The following CUX1 variants were observed in gnomAD, a reference collection of about 807,000 sequenced individuals.
CUX1 encodes the protein cut like homeobox 1, also known as protein CASP.
Under a neutral mutation model 158.8 loss-of-function variants are expected in CUX1, and 31 were observed. That is an observed-to-expected ratio of 0.20 (90% confidence interval 0.15 to 0.26). CUX1 has a LOEUF of 0.26. Ranked by LOEUF, CUX1 falls within the 10% of genes least tolerant of loss-of-function variation. CUX1 has a pLI of 1.00. For synonymous variants in CUX1, 879 were observed against 862.1 expected (o/e 1.02, Z -0.34); for missense variants, 1,589 against 2,014.6 (o/e 0.79, Z 4.04).
intron 23 of CUX1, among the ~76,000 whole-genome samples, chr7:102,242,742 A>G (rs573206639): frequency 1.8e-3 from 276 of 152,312 alleles, no homozygotes; most frequent in Non-Finnish European, 3.1e-3. Context: ...CCTCAGCTGC[A>G]TGGCAGTCAC....
chr7:102,046,023 T>A (rs1282411397), intron 3 of CUX1, among the ~76,000 whole-genome samples: 1 of 152,220 alleles, frequency 6.6e-6, no homozygotes, highest in Non-Finnish European at 1.5e-5. Context: ...TGAATTGAGC[T>A]GAACTGAGTT....
At chr7:102,140,303 ATGGCACGATCTCGGCTCACTGCAAC>A (rs1834304330) in intron 8 of CUX1, among the ~76,000 whole-genome samples, 1 of 151,940 alleles carries the variant, frequency 6.6e-6, no homozygotes, top group South Asian at 2.1e-4. Flanking sequence ...GTGGAGTGCA[ATGGCACGATCTCGGCTCACTGCAAC>A]CTCCACCTCC....
At chr7:101,829,342 T>C (rs1255501483) in intron 1 of CUX1, among the ~76,000 whole-genome samples, 1 of 152,176 alleles carries the variant, frequency 6.6e-6, no homozygotes, top group Non-Finnish European at 1.5e-5. Flanking sequence ...TTTTGTTTTG[T>C]ATTTTTATGT....
chr7:101,887,842 C>CCTTTTTTTTTTTTTTTTTTTTTTT (rs1562966470), intron 1 of CUX1, among the ~76,000 whole-genome samples: 4 of 135,038 alleles, frequency 3.0e-5, no homozygotes, highest in Non-Finnish European at 3.2e-5. Flanking sequence ...ATGACGGTGA[C>CCTTTTTTTTTTTTTTTTTTTTTTT]ATTTTTTTTT....
chr7:102,149,273 C>T (rs1013329053), intron 8 of CUX1, among the ~76,000 whole-genome samples: 10 of 152,102 alleles, frequency 6.6e-5, no homozygotes, highest in Admixed American at 2.6e-4. Context: ...TCCCCTACTC[C>T]GGGATACTGT....
At chr7:102,117,227 A>C (rs1196927202) in intron 8 of CUX1, among the ~76,000 whole-genome samples, 1 of 151,842 alleles carries the variant, frequency 6.6e-6, no homozygotes, top group African/African-American at 2.4e-5. Context: ...GCAAAACCCC[A>C]TCTCTACTAA....
intron 1 of CUX1, among the ~76,000 whole-genome samples, chr7:101,900,901 TG>T (rs1309845902): frequency 3.9e-5 from 6 of 152,220 alleles, no homozygotes; most frequent in Non-Finnish European, 7.3e-5. Flanking sequence ...GGAGCTAATG[TG>T]TGTAAGTTGC....
intron 2 of CUX1, among the ~76,000 whole-genome samples, chr7:101,982,414 T>A (rs1813553094): frequency 6.6e-6 from 1 of 152,048 alleles, no homozygotes. Context: ...TTTTTAAATT[T>A]CTTTTTTTTT....
intron 2 of CUX1, among the ~76,000 whole-genome samples, chr7:101,925,291 C>G (rs1465454944): frequency 6.6e-6 from 1 of 152,022 alleles, no homozygotes; most frequent in South Asian, 2.1e-4. Flanking sequence ...TTGTATTTTT[C>G]ATAGAGATGG....
At chr7:101,843,980 G>A (rs1490483601) in intron 1 of CUX1, among the ~76,000 whole-genome samples, 2 of 152,158 alleles carry the variant, frequency 1.3e-5, no homozygotes, top group Non-Finnish European at 2.9e-5. Flanking sequence ...CTTAGTCTGA[G>A]TTCCCTGAAA....
chr7:101,997,680 T>C (rs1260356120), intron 2 of CUX1, among the ~76,000 whole-genome samples: 2 of 152,104 alleles, frequency 1.3e-5, no homozygotes, highest in African/African-American at 4.8e-5. Flanking sequence ...CCTACTTGTG[T>C]CCCGTGGCCT....
chr7:102,151,958 G>A (rs1267617111), intron 8 of CUX1, among the ~76,000 whole-genome samples: 1 of 152,038 alleles, frequency 6.6e-6, no homozygotes, highest in Non-Finnish European at 1.5e-5. Context: ...TGTAATCTCA[G>A]CATTCTGGGA....
chr7:101,896,799 T>C (rs1421873762), intron 1 of CUX1, among the ~76,000 whole-genome samples: 1 of 152,226 alleles, frequency 6.6e-6, no homozygotes, highest in Non-Finnish European at 1.5e-5. Context: ...AAACTAAATA[T>C]GAAGTTTTTC....
chr7:101,980,979 T>C (rs945328313), intron 2 of CUX1, among the ~76,000 whole-genome samples: 1 of 152,324 alleles, frequency 6.6e-6, no homozygotes, highest in African/African-American at 2.4e-5. Context: ...TCTTTGGAAA[T>C]TTCAGGCAAT....
chr7:102,104,680 AGGAGTTCGAGACCAGCATGACCAACATGG>A (rs1369902391), intron 6 of CUX1, among the ~76,000 whole-genome samples: 2 of 152,152 alleles, frequency 1.3e-5, no homozygotes, highest in African/African-American at 4.8e-5. Context: ...TCATGAGGTC[AGGAGTTCGAGACCAGCATGACCAACATGG>A]TGAAACCCCG....
At chr7:101,956,483 G>A (rs1427532063) in intron 2 of CUX1, among the ~76,000 whole-genome samples, 2 of 152,104 alleles carry the variant, frequency 1.3e-5, no homozygotes, top group African/African-American at 4.8e-5. Context: ...AAAAAAATCA[G>A]ATGGATTATG....
Position 101,973,368 on chromosome 7 carries a change from AG to A in CUX1, c.142-54728del, listed in dbSNP as rs375987608. Reference sequence around the variant, plus strand: ...CCAGAAGGCACGTGTTTTTAATGAGAGGCTCATTTCCACCACTGCCCCCCAG... The same window carrying A: ...CCAGAAGGCACGTGTTTTTAATGAGAGCTCATTTCCACCACTGCCCCCCAG... On this transcript the variant is annotated intron_variant, in intron 2 of 23. Coordinates refer to ENST00000292535, the MANE Select transcript of CUX1 (RefSeq NM_181552.4). Among the ~76,000 whole-genome samples, 33 of 152,188 alleles carry A rather than the reference AG, an allele frequency of 2.2e-4. No individual in the cohort carries two copies. In the East Asian group the frequency reaches 6.2e-3, roughly 29 times the overall value.
rs1411461787 is a variant in CUX1, at chr7:101,916,610, C to T, written c.141+385C>T. 2.4e-5 allele frequency: 5 copies of T among 208,468 alleles called. No homozygotes were observed. Among genetic ancestry groups the T allele is most frequent in the African/African-American group, 4.5e-5 (2 of 44,398 alleles). 12.9% of individuals were successfully genotyped at this position (208,468 alleles called of 1,614,324 possible). ...GGGATCCTGTGGGGTGGAAGGTCCG[C>T]GGGGCCTGCTTCCCTGTTGCTGGTG... is the stretch of plus-strand genomic sequence containing the variant. On this transcript the variant is annotated intron_variant, in intron 2 of 23. Coordinates refer to ENST00000292535, the MANE Select transcript of CUX1 (RefSeq NM_181552.4). This position sits in a 1 kb window ranked among gnomAD's most constrained non-coding sequence, Gnocchi z 4.4.
rs188476789 is a variant in CUX1 at position 102,275,996 on chromosome 7, A to G, written c.1563+637A>G. Among the ~76,000 whole-genome samples the G allele has an allele frequency of 2.0e-4, 29 of 144,850 alleles. No individual in the cohort carries two copies. In the East Asian group the frequency reaches 5.7e-3, roughly 28 times the overall value. The stretch of plus-strand genomic sequence containing the variant: ...CACTGCACTCCAGCCTGTGTGACAG[A>G]GCAAGACTCCATCTCAAAAAAAAAA... On this transcript the variant is annotated intron_variant, in intron 17 of 22. Coordinates refer to the CUX1 transcript ENST00000292538.
Sources: gnomAD v4.1 joint callset for allele counts (sites outside exome capture counted in the v4.1 genomes callset) on GRCh38, gnomAD v4.1.1 for gene constraint, Gnocchi (gnomAD v3.1) non-coding constraint, MANE v1.5 for transcripts, NCBI Gene and HGNC (gene_info 2026-07-23, HGNC 2026-07-21) for gene names.